ELOVL7: variants seen among roughly 807,000 people sequenced by gnomAD.
The protein encoded by ELOVL7 is very long chain fatty acid elongase 7.
ELOVL7 carries 27 observed loss-of-function variants against 35.7 expected under a neutral mutation model. That is an observed-to-expected ratio of 0.76 (90% confidence interval 0.56 to 1.04). The LOEUF (loss-of-function observed/expected upper bound fraction) is 1.04, where lower values mean the gene tolerates loss of function less well. Ranked by LOEUF, ELOVL7 falls within the 50% of genes least tolerant of loss-of-function variation. ELOVL7 has a pLI of 0.00. For missense variants in ELOVL7, 327 were observed against 340.8 expected (o/e 0.96, Z 0.32); for synonymous variants, 113 against 114.6 (o/e 0.99, Z 0.09).
chr5:60,831,689 C>A (rs1746488595), intron 1 of ELOVL7, among the ~76,000 whole-genome samples: 1 of 152,168 alleles, frequency 6.6e-6, no homozygotes, highest in South Asian at 2.1e-4. Flanking sequence ...AAGTATTATC[C>A]ATAAAGCGAT....
chr5:60,752,670 T>C lies in ELOVL7; in HGVS notation c.*1954A>G, dbSNP rs1436538785. 1 of 152,262 alleles carries C rather than the reference T, an allele frequency of 6.6e-6. No homozygotes were observed. Among genetic ancestry groups the C allele is most frequent in the South Asian group, 2.1e-4 (1 of 4,834 alleles). The allele number at this position is 152,262 out of a possible 1,614,324, so 9.4% of individuals were successfully genotyped here. A position where few individuals can be genotyped will look rare whatever the true frequency, so the allele number is the denominator to read the frequency against. Reference sequence around the variant, plus strand: ...TTTATTTTCTAAAAATATAAAATTATGGCCGGGCACAGTGGCTCACCCCTG... The same window carrying C: ...TTTATTTTCTAAAAATATAAAATTACGGCCGGGCACAGTGGCTCACCCCTG... On this transcript the variant is annotated 3_prime_UTR_variant, in exon 9 of 9. Transcript: ENST00000508821.
intron 1 of ELOVL7, among the ~76,000 whole-genome samples, chr5:60,821,352 A>G (rs991953787): frequency 1.3e-5 from 2 of 152,166 alleles, no homozygotes; most frequent in Admixed American, 6.5e-5. Flanking sequence ...TATTCGCTGA[A>G]CGAATGATCT....
At chr5:60,806,892 G>GA (rs1156508775) in intron 1 of ELOVL7, among the ~76,000 whole-genome samples, 1 of 152,144 alleles carries the variant, frequency 6.6e-6, no homozygotes, top group African/African-American at 2.4e-5. Flanking sequence ...TGCAAATACA[G>GA]AAAAAAGAAA....
intron 3 of ELOVL7, among the ~76,000 whole-genome samples, chr5:60,775,987 A>G (rs1742878548): frequency 6.6e-6 from 1 of 152,210 alleles, no homozygotes; most frequent in Admixed American, 6.5e-5. Flanking sequence ...AACAATTAAG[A>G]CCTAATTAAA....
In ELOVL7 at chr5:60,779,359, A is replaced by C. The variant is rs942117248; in HGVS notation, c.65-7266T>G. 1.6e-4 allele frequency among the ~76,000 whole-genome samples: 25 copies of C among 152,100 alleles called. 2 individuals carry two copies. Among genetic ancestry groups the C allele is most frequent in the East Asian group, 1.4e-3 (7 of 5,170 alleles). ...AGTAGAGGCTCTCCATGAGGGCTCTACCTCTGCAGCAAACTTCGGCCTGGA... is the reference window on the plus strand; with the variant it reads ...AGTAGAGGCTCTCCATGAGGGCTCTCCCTCTGCAGCAAACTTCGGCCTGGA... On this transcript the variant is annotated intron_variant, in intron 3 of 8. Transcript: ENST00000508821.
At chr5:60,798,808 AAAAT>A (rs1744421064) in intron 2 of ELOVL7, among the ~76,000 whole-genome samples, 1 of 152,232 alleles carries the variant, frequency 6.6e-6, no homozygotes, top group South Asian at 2.1e-4. Context: ...ATGAAGACAT[AAAAT>A]AAATAAGGAA....
At chr5:60,831,532 T>C (rs1265394268) in intron 1 of ELOVL7, among the ~76,000 whole-genome samples, 2 of 152,326 alleles carry the variant, frequency 1.3e-5, no homozygotes, top group East Asian at 1.9e-4. Flanking sequence ...ATTGTATACA[T>C]CATCAGGAGA....
Position 60,824,383 on chromosome 5 carries a change from C to T in ELOVL7, c.-86+19777G>A, listed in dbSNP as rs920313022. Among the ~76,000 whole-genome samples the T allele has an allele frequency of 3.3e-5, 5 of 152,102 alleles. No homozygotes were observed. The East Asian group carries it at 7.7e-4, about 23-fold the overall frequency. ...AACAGCAGGAGTAACGATGGAGAAA[C>T]GTCAAAGTCTCTAAGGCATGTGGGA... On this transcript the variant is annotated intron_variant, in intron 1 of 8. Coordinates refer to ENST00000508821, the MANE Select transcript of ELOVL7 (RefSeq NM_024930.3).
chr5:60,795,916 T>C (rs1374796937), intron 2 of ELOVL7, among the ~76,000 whole-genome samples: 5 of 151,972 alleles, frequency 3.3e-5, no homozygotes, highest in African/African-American at 9.7e-5. Flanking sequence ...GAACCCCAGG[T>C]CAGAGAACAA....
In ELOVL7 at chr5:60,760,244, C is replaced by T. The variant is rs1454856002; in HGVS notation, c.500-2599G>A. Among the ~76,000 whole-genome samples, 6 of 152,318 alleles carry T rather than the reference C, an allele frequency of 3.9e-5. No homozygotes were observed. The East Asian group carries it at 9.6e-4, about 24-fold the overall frequency. On this transcript the variant is annotated intron_variant, in intron 7 of 8. Coordinates refer to ENST00000508821, the MANE Select transcript of ELOVL7 (RefSeq NM_024930.3). The stretch of plus-strand genomic sequence containing the variant: ...CTTCCACAGTGGTTGAACTAGTTTA[C>T]AGTCCCACCAACAGTGTGAAAGTGT...
intron 2 of ELOVL7, among the ~76,000 whole-genome samples, chr5:60,795,677 G>A (rs911082000): frequency 4.6e-5 from 7 of 152,226 alleles, no homozygotes; most frequent in Non-Finnish European, 7.3e-5. Flanking sequence ...CTCCGGATCC[G>A]GCAGGGTGTC....
rs772711157 is a variant in ELOVL7 at position 60,754,389 on chromosome 5, A to T, written c.*235T>A. 4 of 500,630 alleles carry T rather than the reference A, an allele frequency of 8.0e-6. No homozygotes were observed. The highest frequency in any genetic ancestry group is 1.4e-5 in the Non-Finnish European group (4 of 280,016). 31.0% of individuals were successfully genotyped at this position (500,630 alleles called of 1,614,324 possible). Reference sequence around the variant, plus strand: ...AAACCTTTGGATTAGGTTTAAAAGCAGCTAAAAAAACAAAAACAAAAACAA... The same window carrying T: ...AAACCTTTGGATTAGGTTTAAAAGCTGCTAAAAAAACAAAAACAAAAACAA... On this transcript the variant is annotated 3_prime_UTR_variant, in exon 9 of 9. Coordinates refer to ENST00000508821, the MANE Select transcript of ELOVL7 (RefSeq NM_024930.3).
At position 60,824,654 on chromosome 5, in the gene ELOVL7, T is replaced by C. The variant is rs547969898; in HGVS notation, c.-86+19506A>G. ...TCATGAACAAATCCTATCTTCTAAA[T>C]ATATTCTAGAATCCAACTACTTTAC... On this transcript the variant is annotated intron_variant, in intron 1 of 8. Transcript: ENST00000508821. 1.2e-4 allele frequency among the ~76,000 whole-genome samples: 18 copies of C among 152,352 alleles called. No homozygotes were observed. The East Asian group carries it at 1.9e-3, about 16-fold the overall frequency.
intron 3 of ELOVL7, among the ~76,000 whole-genome samples, chr5:60,774,526 C>A (rs949832411): frequency 6.6e-6 from 1 of 152,132 alleles, no homozygotes; most frequent in Non-Finnish European, 1.5e-5. Flanking sequence ...CTATGACAAA[C>A]CCACAGCCAA....
chr5:60,822,272 C>T (rs895272057), intron 1 of ELOVL7, among the ~76,000 whole-genome samples: 11 of 152,092 alleles, frequency 7.2e-5, no homozygotes, highest in Admixed American at 1.3e-4. Flanking sequence ...CAATAGGAAG[C>T]GCTGAAAAGG....
At chr5:60,843,185 G>T (rs933706163) in intron 1 of ELOVL7, among the ~76,000 whole-genome samples, 5 of 152,126 alleles carry the variant, frequency 3.3e-5, no homozygotes, top group Non-Finnish European at 7.4e-5. Flanking sequence ...AACTCGGGTC[G>T]CTAAAACTGT....
intron 2 of ELOVL7, among the ~76,000 whole-genome samples, chr5:60,792,153 G>A (rs73759415): frequency 0.019 from 2,926 of 152,224 alleles, 116 homozygotes; most frequent in African/African-American, 0.067. Context: ...AGCAGGAGAT[G>A]AAGGACTACA....
At chr5:60,770,163 G>A (rs552012432) in intron 4 of ELOVL7, among the ~76,000 whole-genome samples, 6 of 152,228 alleles carry the variant, frequency 3.9e-5, no homozygotes, top group Admixed American at 3.3e-4. Context: ...GTAAATGAGA[G>A]TCAGAAACTC....
chr5:60,760,103 G>A (rs1259112524), intron 7 of ELOVL7, among the ~76,000 whole-genome samples: 5 of 152,298 alleles, frequency 3.3e-5, no homozygotes, highest in African/African-American at 1.2e-4. Context: ...AAACATACGT[G>A]TGCATGTGTC....
Sources: gnomAD v4.1 joint callset for allele counts (sites outside exome capture counted in the v4.1 genomes callset) on GRCh38, gnomAD v4.1.1 for gene constraint, MANE v1.5 for transcripts, NCBI Gene and HGNC (gene_info 2026-07-23, HGNC 2026-07-21) for gene names.